The following FUT8 variants were observed in gnomAD, a reference collection of about 807,000 sequenced individuals.
The protein encoded by FUT8 is alpha-(1,6)-fucosyltransferase.
A neutral mutation model predicts 71.3 loss-of-function variants in FUT8; 29 were observed. That is an observed-to-expected ratio of 0.41 (90% CI 0.30 to 0.55). The LOEUF (loss-of-function observed/expected upper bound fraction) is 0.55, where lower values mean the gene tolerates loss of function less well. Ranked by LOEUF, FUT8 falls within the 20% of genes least tolerant of loss-of-function variation. The probability of loss-of-function intolerance (pLI) is 0.34; values close to 1 mark genes in which losing one functional copy is unlikely to be tolerated. For synonymous variants in FUT8, 254 were observed against 239.3 expected, an observed-to-expected ratio of 1.06 and a Z score of -0.57; for missense variants, 544 against 702.1, an observed-to-expected ratio of 0.77 and a Z score of 2.55.
chr14:65,503,604 T>A (rs1312588640), intron 2 of FUT8, among the ~76,000 whole-genome samples: 1 of 152,190 alleles, frequency 6.6e-6, no homozygotes, highest in Non-Finnish European at 1.5e-5. Flanking sequence ...AGGTAATCTT[T>A]CATTTGGTTG....
chr14:65,677,958 A>G (rs1050473247), intron 7 of FUT8, among the ~76,000 whole-genome samples: 3 of 152,310 alleles, frequency 2.0e-5, no homozygotes, highest in African/African-American at 7.2e-5. Context: ...GAAGAACATC[A>G]TTTACCAGGA....
the FUT8 span, among the ~76,000 whole-genome samples, chr14:65,391,869 G>A: frequency 2.0e-5 from 3 of 152,306 alleles, no homozygotes; most frequent in Admixed American, 6.5e-5. Context: ...TGATCCACCC[G>A]CCTCAGCCTC....
intron 1 of FUT8, among the ~76,000 whole-genome samples, chr14:65,443,356 G>C (rs1373193890): frequency 6.6e-6 from 1 of 151,042 alleles, no homozygotes; most frequent in African/African-American, 2.4e-5. Context: ...CTTGCAGTGA[G>C]CCGAGACTGC....
chr14:65,719,693 G>A (rs1895308864), intron 7 of FUT8, among the ~76,000 whole-genome samples: 2 of 152,322 alleles, frequency 1.3e-5, no homozygotes, highest in South Asian at 4.1e-4. Context: ...ATAATGCTGT[G>A]GTTCTTACAG....
the FUT8 span, among the ~76,000 whole-genome samples, chr14:65,374,253 G>A: frequency 1.8e-4 from 27 of 152,174 alleles, no homozygotes; most frequent in African/African-American, 5.5e-4. Flanking sequence ...ATAAATGTGA[G>A]TGTACAGTCT....
At chr14:65,468,169 C>G in intron 2 of FUT8, 3 of 637,380 alleles carry the variant, frequency 4.7e-6, no homozygotes, top group Non-Finnish European at 8.8e-6. Context: ...TCCAGTTTTG[C>G]CATGATAACA....
chr14:65,579,311 A>G (rs1054468774), intron 3 of FUT8, among the ~76,000 whole-genome samples: 4 of 152,184 alleles, frequency 2.6e-5, no homozygotes, highest in Non-Finnish European at 4.4e-5. Flanking sequence ...TAGCCTATAG[A>G]TAATGACAGA....
At chr14:65,598,323 A>G (rs1214787608) in intron 3 of FUT8, among the ~76,000 whole-genome samples, 1 of 152,064 alleles carries the variant, frequency 6.6e-6, no homozygotes, top group African/African-American at 2.4e-5. Context: ...CCCAGGTTCA[A>G]GTGATTCTCC....
chr14:65,397,858 G>A, the FUT8 span, among the ~76,000 whole-genome samples: 2 of 152,112 alleles, frequency 1.3e-5, no homozygotes, highest in African/African-American at 2.4e-5. The surrounding 1 kb of genome is among the most constrained non-coding windows in gnomAD (Gnocchi z 4.2). Context: ...GTGATTTTTC[G>A]TGACCAGAAA....
chr14:65,564,220 A>G (rs1886069387), intron 3 of FUT8, among the ~76,000 whole-genome samples: 1 of 152,030 alleles, frequency 6.6e-6, no homozygotes, highest in Non-Finnish European at 1.5e-5. Flanking sequence ...TTTTTCATAT[A>G]AGAAAATGTG....
intron 2 of FUT8, among the ~76,000 whole-genome samples, chr14:65,511,047 A>G (rs1882306210): frequency 6.6e-6 from 1 of 152,052 alleles, no homozygotes; most frequent in Admixed American, 6.5e-5. Flanking sequence ...ACTTGTAGCT[A>G]TAAAATTCCC....
At chr14:65,730,043 T>A (rs1468664856) in intron 9 of FUT8, among the ~76,000 whole-genome samples, 1 of 152,222 alleles carries the variant, frequency 6.6e-6, no homozygotes, top group Admixed American at 6.5e-5. Context: ...TACTCAGGAT[T>A]GGTTTTGATA....
At chr14:65,405,189 G>T in the FUT8 span, among the ~76,000 whole-genome samples, 1 of 152,142 alleles carries the variant, frequency 6.6e-6, no homozygotes, top group Non-Finnish European at 1.5e-5. Flanking sequence ...TCATTTTCAT[G>T]ATTTTTTTAA....
chr14:65,702,119 G>A (rs1894327774), intron 7 of FUT8, among the ~76,000 whole-genome samples: 2 of 152,186 alleles, frequency 1.3e-5, no homozygotes, highest in South Asian at 2.1e-4. Context: ...GCCAAGGTGG[G>A]CGGATCACCT....
chr14:65,443,566 A>G (rs1405994775), intron 1 of FUT8, among the ~76,000 whole-genome samples: 1 of 151,992 alleles, frequency 6.6e-6, no homozygotes, highest in Non-Finnish European at 1.5e-5. Context: ...CAGAAAATTT[A>G]AAAATTAGCT....
At chr14:65,558,827 CA>C (rs1238188705) in intron 2 of FUT8, among the ~76,000 whole-genome samples, 2 of 151,432 alleles carry the variant, frequency 1.3e-5, no homozygotes, top group South Asian at 2.1e-4. Flanking sequence ...CTGGCAAAGA[CA>C]AAAAAAATCA....
chr14:65,581,220 C>T (rs1887072386), intron 3 of FUT8, among the ~76,000 whole-genome samples: 1 of 152,082 alleles, frequency 6.6e-6, no homozygotes, highest in Non-Finnish European at 1.5e-5. Context: ...TTTTAACAAG[C>T]TCTCAATGTG....
At chr14:65,740,722 T>C (rs1896456121) in intron 10 of FUT8, among the ~76,000 whole-genome samples, 1 of 151,944 alleles carries the variant, frequency 6.6e-6, no homozygotes, top group African/African-American at 2.4e-5. Context: ...GAGAACTCAC[T>C]ACTGTGACCA....
At chr14:65,388,173 G>T in the FUT8 span, among the ~76,000 whole-genome samples, 2 of 152,156 alleles carry the variant, frequency 1.3e-5, no homozygotes, top group Non-Finnish European at 2.9e-5. Flanking sequence ...TGCCATAGTC[G>T]AGCAAATTTA....
Sources: allele counts gnomAD v4.1 joint callset (sites outside exome capture counted in the v4.1 genomes callset), GRCh38; gene constraint gnomAD v4.1.1; non-coding constraint Gnocchi (gnomAD v3.1); transcripts MANE v1.5; gene names NCBI Gene and HGNC (gene_info 2026-07-23, HGNC 2026-07-21).